The following MKRN2OS variants were observed in gnomAD, a reference collection of about 807,000 sequenced individuals.
The protein encoded by MKRN2OS is MKRN2 opposite strand, also known as MKRN2 opposite strand protein.
Under a neutral mutation model 18.2 loss-of-function variants are expected in MKRN2OS, and 17 were observed. That is an observed-to-expected ratio of 0.93 (90% confidence interval 0.64 to 1.40). The LOEUF is 1.40. MKRN2OS is among the 40% of genes most tolerant of loss of function. The pLI, the probability that MKRN2OS is intolerant of heterozygous loss-of-function variation, is 0.00. For synonymous variants in MKRN2OS, 121 were observed against 108.5 expected (o/e 1.12, Z -0.72); for missense variants, 337 against 283.0 (o/e 1.19, Z -1.37).
At chr3:12,550,545 T>C (rs2057922187), downstream of MKRN2OS, among the ~76,000 whole-genome samples, 1 of 152,174 alleles carries the variant, frequency 6.6e-6, no homozygotes. Flanking sequence ...AGACCCCATC[T>C]CTACAAAAAA....
In MKRN2OS at chr3:12,545,440, C is replaced by G. The variant is rs964613600; in HGVS notation, c.25G>C (p.Ala9Pro). The part of the protein sequence containing the change: MHCAEAGK[A>P]LIKFNHCEKY... Reference sequence around the variant, plus strand: ...TCACAGTGGTTGAATTTAATTAAAGCCTTCCCAGCCTCTGCGCAGTGCATA... The same window carrying G: ...TCACAGTGGTTGAATTTAATTAAAGGCTTCCCAGCCTCTGCGCAGTGCATA... Residue 9 changes from alanine (A) to proline (P), a missense_variant, in exon 1 of 4, where the codon GCT (alanine) becomes CCT (proline). Physicochemically the swap from Ala to Pro is conservative, Grantham distance 27 (BLOSUM62 -1). Transcript: ENST00000564146. 15 of 1,533,958 alleles carry G rather than the reference C, an allele frequency of 9.8e-6. No individual in the cohort carries two copies. The highest frequency in any genetic ancestry group is 5.5e-5 in the African/African-American group (4 of 73,002).
chr3:12,546,964 T>C (rs901489408), upstream of MKRN2OS, among the ~76,000 whole-genome samples: 1 of 152,156 alleles, frequency 6.6e-6, no homozygotes, highest in African/African-American at 2.4e-5. Flanking sequence ...AATTTTTAGC[T>C]AGGTGTGCTG....
At chr3:12,557,111 AGAGGCG>A (rs2057980317) in intron 1 of MKRN2OS, 34 of 1,462,350 alleles carry the variant, frequency 2.3e-5, no homozygotes, top group Non-Finnish European at 3.1e-5. Flanking sequence ...AGCGGCTGCG[AGAGGCG>A]GCGGCACGAC....
chr3:12,549,904 T>C (rs2057916395), upstream of MKRN2OS, among the ~76,000 whole-genome samples: 1 of 152,158 alleles, frequency 6.6e-6, no homozygotes, highest in African/African-American at 2.4e-5. Flanking sequence ...AGTGATGAAC[T>C]CTCACCTAGT....
At chr3:12,548,321 G>A (rs1241174691), upstream of MKRN2OS, among the ~76,000 whole-genome samples, 4 of 152,098 alleles carry the variant, frequency 2.6e-5, no homozygotes, top group African/African-American at 9.6e-5. Context: ...GGTGGCGGGT[G>A]TCTGCAGTCC....
At chr3:12,542,065 C>A in intron 2 of MKRN2OS, 43 bp from the exon 3 acceptor site, 4 of 1,508,806 alleles carry the variant, frequency 2.7e-6, no homozygotes, top group Non-Finnish European at 2.7e-6. Flanking sequence ...CAAGGAAACA[C>A]ACACCTCTGT....
chr3:12,553,794 GA>G (rs1342670581), exon 2 of MKRN2OS: 5 of 152,160 alleles, frequency 3.3e-5, no homozygotes, highest in Non-Finnish European at 7.3e-5. Context: ...TAAACCATTA[GA>G]ATTAATTCAA....
At chr3:12,551,142 T>C (rs2057926459), downstream of MKRN2OS, among the ~76,000 whole-genome samples, 1 of 149,900 alleles carries the variant, frequency 6.7e-6, no homozygotes, top group Non-Finnish European at 1.5e-5. Flanking sequence ...TGACAGCAAG[T>C]GGCCAAGACC....
chr3:12,548,034 G>A (rs926996471), upstream of MKRN2OS, among the ~76,000 whole-genome samples: 2 of 152,190 alleles, frequency 1.3e-5, no homozygotes, highest in Admixed American at 1.3e-4. Flanking sequence ...GTACGGCCGG[G>A]CGCAGTGGCT....
intron 1 of MKRN2OS, among the ~76,000 whole-genome samples, chr3:12,555,237 G>A (rs781077222): frequency 6.6e-6 from 1 of 151,472 alleles, no homozygotes; most frequent in Non-Finnish European, 1.5e-5. Flanking sequence ...GCTTGAACAC[G>A]GGAGGTGGAG....
chr3:12,544,280 T>C (rs1238659910), intron 1 of MKRN2OS, among the ~76,000 whole-genome samples: 4 of 152,130 alleles, frequency 2.6e-5, no homozygotes, highest in African/African-American at 9.7e-5. Flanking sequence ...GCTGAACATA[T>C]TTCCTAAAGC....
chr3:12,544,863 G>A (rs888865057), intron 1 of MKRN2OS, among the ~76,000 whole-genome samples: 5 of 152,270 alleles, frequency 3.3e-5, no homozygotes, highest in South Asian at 2.1e-4. Flanking sequence ...GCAAGTGCCC[G>A]TTCATCGGGC....
In MKRN2OS at chr3:12,540,877, CAAAAAAA is replaced by C. The variant is rs11369647; in HGVS notation, c.432-451_432-445del. On this transcript the variant is annotated intron_variant, in intron 3 of 3. Coordinates refer to ENST00000564146, the MANE Select transcript of MKRN2OS (RefSeq NM_001195279.2). Reference sequence around the variant, plus strand: ...TGACAGAGTGAGTAAGACTCCATCTCAAAAAAAAAAAAAAAAAAAAATGCAATTCTGG... The same window carrying C: ...TGACAGAGTGAGTAAGACTCCATCTCAAAAAAAAAAAAAATGCAATTCTGG... 1.2e-4 allele frequency among the ~76,000 whole-genome samples: 7 copies of C among 59,658 alleles called. No homozygotes were observed. The East Asian group carries it at 2.3e-3, about 20-fold the overall frequency. 39.1% of individuals were successfully genotyped at this position (59,658 alleles called of 152,430 possible). A position where few individuals can be genotyped will look rare whatever the true frequency, so the allele number is the denominator to read the frequency against.
rs2057822617 is a variant in MKRN2OS at position 12,542,072 on chromosome 3, CTG to C, written c.269-52_269-51del. ...TGGAGCCCCAAGGAAACACACACCT[CTG>C]TGAAAAAGAGACATCAGAAAATGAC... On this transcript the variant is annotated intron_variant, in intron 2 of 3. Transcript: ENST00000564146. 2.7e-6 allele frequency: 4 copies of C among 1,492,488 alleles called. No homozygotes were observed. In the Admixed American group the frequency reaches 6.4e-5, roughly 24 times the overall value. The allele number at this position is 1,492,488 out of a possible 1,614,324, so 92.5% of individuals were successfully genotyped here.
In MKRN2OS at chr3:12,540,345, T is replaced by C. The variant is rs984319116; in HGVS notation, c.520A>G (p.Lys174Glu). 8.1e-5 allele frequency: 124 copies of C among 1,536,030 alleles called. No homozygotes were observed. Among genetic ancestry groups the C allele is most frequent in the Non-Finnish European group, 9.2e-5 (106 of 1,146,916 alleles). ...ACGTACTTCTCCGTAAATTCACCCT[T>C]GTCCAGTTGCTGTCTACCTTCTGCC... ...LMAEGRQQLD[K>E]GEFTEKYVVP... Residue 174 changes from lysine to glutamate, a missense_variant, in exon 4 of 4, where the codon AAG (lysine) becomes GAG (glutamate). Transcript: ENST00000564146.
upstream of MKRN2OS, among the ~76,000 whole-genome samples, chr3:12,546,837 C>G (rs975566890): frequency 2.0e-5 from 3 of 152,098 alleles, no homozygotes; most frequent in Non-Finnish European, 4.4e-5. Flanking sequence ...CTCAGCCTCC[C>G]AAAGTGCTGG....
At chr3:12,541,757 G>A (rs2057817062) in intron 3 of MKRN2OS, 103 bp downstream of exon 3, 32 of 1,209,842 alleles carry the variant, frequency 2.6e-5, no homozygotes, top group Non-Finnish European at 3.6e-5. Flanking sequence ...GGCTCAACAT[G>A]AAGCTAAGTG....
At chr3:12,541,712 T>G in intron 3 of MKRN2OS, 148 bp downstream of exon 3, 1 of 885,768 alleles carries the variant, frequency 1.1e-6, no homozygotes, top group South Asian at 2.0e-5. Flanking sequence ...CAACCTCTGT[T>G]TAAATTCTGT....
At chr3:12,542,770 A>T (rs1294260432) in intron 2 of MKRN2OS, among the ~76,000 whole-genome samples, 3 of 151,430 alleles carry the variant, frequency 2.0e-5, no homozygotes, top group Non-Finnish European at 4.4e-5. Context: ...TTTACTCCTG[A>T]CGTCCCTAGA....
Sources: allele counts gnomAD v4.1 joint callset (sites outside exome capture counted in the v4.1 genomes callset), GRCh38; gene constraint gnomAD v4.1.1; transcripts MANE v1.5; gene names NCBI Gene and HGNC (gene_info 2026-07-23, HGNC 2026-07-21).